TRAPPC13: variants seen among roughly 807,000 people sequenced by gnomAD.
The protein encoded by TRAPPC13 is REV7-interacting novel NHEJ regulator 1.
TRAPPC13 carries 39 observed loss-of-function variants against 54.0 expected under a neutral mutation model. The ratio of observed to expected loss-of-function variants is 0.72; its 90% CI spans 0.56 to 0.94. The LOEUF is 0.94. Among genes scored for constraint, TRAPPC13 ranks in the 40% least tolerant of loss-of-function variants. The pLI is 0.00. For missense variants in TRAPPC13, 386 were observed against 488.1 expected, an observed-to-expected ratio of 0.79 and a Z score of 1.97; for synonymous variants, 148 against 167.7, an observed-to-expected ratio of 0.88 and a Z score of 0.91.
chr5:65,642,953 T>G (rs1385996738), intron 4 of TRAPPC13, among the ~76,000 whole-genome samples: 2 of 152,210 alleles, frequency 1.3e-5, no homozygotes, highest in Non-Finnish European at 2.9e-5. Flanking sequence ...TGTACAACAG[T>G]AAAGAGGTAG....
chr5:65,631,191 C>G (rs924590276), intron 1 of TRAPPC13, among the ~76,000 whole-genome samples: 3 of 152,192 alleles, frequency 2.0e-5, no homozygotes, highest in African/African-American at 7.2e-5. Flanking sequence ...CTATTAAACA[C>G]ACCAGCTCCC....
At position 65,660,903 on chromosome 5, in the gene TRAPPC13, T is replaced by A. The variant is rs1756828031; in HGVS notation, c.897+6T>A. On this transcript the variant is annotated splice_donor_region_variant and intron_variant, in intron 10 of 12. Transcript: ENST00000399438. ...CCAGCCAACTTCAAAGAATGGTGAG[T>A]CTGGAAAAAACTTCGCTGGGGTTTT... The A allele has an allele frequency of 1.3e-6, 2 of 1,597,180 alleles. No homozygotes were observed.
At chr5:65,635,434 C>G in intron 2 of TRAPPC13, 65 bp downstream of exon 2, 1 of 1,297,574 alleles carries the variant, frequency 7.7e-7, no homozygotes, top group South Asian at 1.2e-5. Flanking sequence ...GCCTGCATTA[C>G]CTTGGACTAA....
At chr5:65,625,741 G>A (rs1165433918) in intron 1 of TRAPPC13, among the ~76,000 whole-genome samples, 2 of 151,708 alleles carry the variant, frequency 1.3e-5, no homozygotes, top group African/African-American at 4.8e-5. Context: ...TTTTTTTAAT[G>A]CCTATTTTCT....
intron 1 of TRAPPC13, chr5:65,629,601 T>A: frequency 6.5e-7 from 1 of 1,531,926 alleles, no homozygotes; most frequent in South Asian, 1.2e-5. Context: ...ACTACAGAAG[T>A]AATATTACAT....
chr5:65,660,730 C>A lies in TRAPPC13; in HGVS notation c.730C>A (p.Gln244Lys), dbSNP rs34925196. Residue 244 changes from glutamine (Q) to lysine (K), a missense_variant, in exon 10 of 13, where the codon CAA becomes AAA. Coordinates refer to ENST00000399438, the MANE Select transcript of TRAPPC13 (RefSeq NM_024941.4). Reference protein sequence around the residue: ...VSTFGSRAYLQPMDTRQYLYC... With the variant: ...VSTFGSRAYLKPMDTRQYLYC... ...TACGTTTGGGTCAAGAGCATATTTGCAACCAATGGATACACGCCAGTACTT... is the reference window on the plus strand; with the variant it reads ...TACGTTTGGGTCAAGAGCATATTTGAAACCAATGGATACACGCCAGTACTT... 0.011 allele frequency: 18,220 copies of A among 1,610,974 alleles called. 135 individuals carry two copies. Among genetic ancestry groups the A allele is most frequent in the Non-Finnish European group, 0.014 (16,526 of 1,178,520 alleles).
intron 4 of TRAPPC13, among the ~76,000 whole-genome samples, chr5:65,644,687 C>A (rs1376993355): frequency 6.6e-6 from 1 of 152,038 alleles, no homozygotes; most frequent in African/African-American, 2.4e-5. Context: ...TTGAGACCAG[C>A]CTGGCCAACA....
intron 4 of TRAPPC13, among the ~76,000 whole-genome samples, chr5:65,639,135 G>A (rs538017066): frequency 1.5e-4 from 23 of 152,034 alleles, no homozygotes; most frequent in African/African-American, 4.8e-4. Context: ...CTTATTCACC[G>A]TCATGAGAAC....
rs1756828394 is a variant in TRAPPC13 at position 65,660,910 on chromosome 5, A to G, written c.897+13A>G. On this transcript the variant is annotated intron_variant, in intron 10 of 12. Coordinates refer to ENST00000399438, the MANE Select transcript of TRAPPC13 (RefSeq NM_024941.4). ...ACTTCAAAGAATGGTGAGTCTGGAA[A>G]AAACTTCGCTGGGGTTTTGGTGTGT... The G allele has an allele frequency of 1.9e-6, 3 of 1,595,416 alleles. No individual in the cohort carries two copies. Among genetic ancestry groups the G allele is most frequent in the African/African-American group, 1.3e-5 (1 of 74,162 alleles).
chr5:65,643,829 AAAAG>A (rs1359434832), intron 4 of TRAPPC13, among the ~76,000 whole-genome samples: 2 of 97,600 alleles, frequency 2.0e-5, no homozygotes, highest in African/African-American at 6.9e-5. Context: ...AAAAAAAAAA[AAAAG>A]AAAGAAAAAA....
At chr5:65,660,484 C>A (rs913450587) in intron 9 of TRAPPC13, among the ~76,000 whole-genome samples, 1 of 150,368 alleles carries the variant, frequency 6.7e-6, no homozygotes, top group Non-Finnish European at 1.5e-5. Context: ...TATAAAGAAC[C>A]TCAAGATTTT....
intron 5 of TRAPPC13, among the ~76,000 whole-genome samples, 173 bp from the exon 6 acceptor site, chr5:65,650,637 T>C (rs1239128369): frequency 6.6e-6 from 1 of 152,228 alleles, no homozygotes; most frequent in East Asian, 1.9e-4. Context: ...CAGAGCTTTG[T>C]TGTTCATGTA....
chr5:65,657,586 A>G (rs1756699230), intron 8 of TRAPPC13, among the ~76,000 whole-genome samples: 1 of 152,228 alleles, frequency 6.6e-6, no homozygotes, highest in African/African-American at 2.4e-5. Flanking sequence ...ATAACCAAAT[A>G]GCATAAAATA....
intron 1 of TRAPPC13, among the ~76,000 whole-genome samples, chr5:65,628,014 G>A (rs1755329146): frequency 1.3e-5 from 2 of 152,216 alleles, no homozygotes; most frequent in South Asian, 4.1e-4. Context: ...TTTTTGGGGA[G>A]AAGGGATTCA....
intron 7 of TRAPPC13, among the ~76,000 whole-genome samples, chr5:65,653,496 A>T (rs1395161528): frequency 1.3e-5 from 2 of 152,184 alleles, no homozygotes; most frequent in Non-Finnish European, 2.9e-5. Context: ...TGCAGCAAAG[A>T]CCTATTAGGA....
intron 5 of TRAPPC13, 98 bp from the exon 6 acceptor site, chr5:65,650,712 T>C (rs1756396288): frequency 4.5e-6 from 4 of 897,140 alleles, no homozygotes; most frequent in African/African-American, 1.7e-5. Flanking sequence ...ACCATAGATA[T>C]AAGTGTTTTC....
At chr5:65,645,847 A>C (rs1756183880) in intron 4 of TRAPPC13, among the ~76,000 whole-genome samples, 1 of 152,190 alleles carries the variant, frequency 6.6e-6, no homozygotes, top group Non-Finnish European at 1.5e-5. Flanking sequence ...AAGAAACAAA[A>C]ACTTAAAAGA....
At chr5:65,660,348 AGTTAGAAGT>A (rs1479473852) in intron 9 of TRAPPC13, among the ~76,000 whole-genome samples, 3 of 151,832 alleles carry the variant, frequency 2.0e-5, no homozygotes, top group Non-Finnish European at 4.4e-5. Context: ...TGAACCCAGA[AGTTAGAAGT>A]TACAGTGAGC....
At chr5:65,625,240 C>A in intron 1 of TRAPPC13, 134 bp downstream of exon 1, 1 of 751,022 alleles carries the variant, frequency 1.3e-6, no homozygotes, top group Non-Finnish European at 2.3e-6. Context: ...TGCCGCCAAG[C>A]GGGAGGAAGC....
Sources: gnomAD v4.1 joint callset for allele counts (sites outside exome capture counted in the v4.1 genomes callset) on GRCh38, gnomAD v4.1.1 for gene constraint, MANE v1.5 for transcripts, NCBI Gene and HGNC (gene_info 2026-07-23, HGNC 2026-07-21) for gene names.